Variants in SRPRA observed in about 807,000 individuals in gnomAD.
The protein encoded by SRPRA is signal recognition particle receptor subunit alpha.
A neutral mutation model predicts 61.1 loss-of-function variants in SRPRA; 30 were observed. That is an observed-to-expected ratio of 0.49 (90% confidence interval 0.37 to 0.67). The LOEUF (loss-of-function observed/expected upper bound fraction) is 0.67, where lower values mean the gene tolerates loss of function less well. SRPRA is among the 30% of genes least tolerant of loss of function. SRPRA has a pLI of 0.00. For missense variants in SRPRA, 759 were observed against 828.4 expected (o/e 0.92, Z 1.03); for synonymous variants, 324 against 299.7 (o/e 1.08, Z -0.84).
downstream of SRPRA, chr11:126,261,985 A>T (rs1467708823): frequency 1.2e-6 from 1 of 839,500 alleles, no homozygotes; most frequent in Non-Finnish European, 1.9e-6. Context: ...ATAAAATTTT[A>T]AATAAATTAC....
chr11:126,259,095 A>C (rs950619616), downstream of SRPRA, among the ~76,000 whole-genome samples: 8 of 152,228 alleles, frequency 5.3e-5, no homozygotes, highest in African/African-American at 1.9e-4. Flanking sequence ...TGAGTTTGTC[A>C]TGTGAAATGT....
At position 126,265,985 on chromosome 11, in the gene SRPRA, G is replaced by T; in HGVS notation, c.1029C>A (p.Asp343Glu). ...LSREDMESVL[D>E]KMRDHLIAKN... Reference sequence around the variant, plus strand: ...TACCAATGAGATGATCACGCATCTTGTCCAGCACAGATTCCATGTCTTCAC... The same window carrying T: ...TACCAATGAGATGATCACGCATCTTTTCCAGCACAGATTCCATGTCTTCAC... Residue 343 changes from aspartate to glutamate, a missense_variant, in exon 8 of 14, where the codon GAC becomes GAA. Asp to Glu is a conservative substitution (Grantham distance 45). Coordinates refer to ENST00000332118, the MANE Select transcript of SRPRA (RefSeq NM_003139.4). This position sits in a 1 kb window ranked among gnomAD's most constrained non-coding sequence, Gnocchi z 6.3. The T allele has an allele frequency of 6.2e-7, 1 of 1,614,162 alleles. No homozygotes were observed. Among genetic ancestry groups the T allele is most frequent in the South Asian group, 1.1e-5 (1 of 91,086 alleles).
chr11:126,240,983 G>A, the SRPRA span: 1 of 1,613,988 alleles, frequency 6.2e-7, no homozygotes, highest in Middle Eastern at 1.6e-4. Flanking sequence ...TTTCAGAAAT[G>A]TCTCCATGAA....
chr11:126,264,590 C>A lies in SRPRA; in HGVS notation c.1526-51G>T. ...GAACACCTGGACTACCACTCATGCT[C>A]GTTCCCAGCTTCCTCTCAAAAAGTC... On this transcript the variant is annotated intron_variant, in intron 11 of 13. Transcript: ENST00000332118. This position sits in a 1 kb window ranked among gnomAD's most constrained non-coding sequence, Gnocchi z 5.0. 1 of 1,592,494 alleles carries A rather than the reference C, an allele frequency of 6.3e-7. No homozygotes were observed. The highest frequency in any genetic ancestry group is 1.1e-5 in the South Asian group (1 of 89,296).
rs1461999418 is a variant in SRPRA, at chr11:126,266,025, G to A, written c.989C>T (p.Ser330Leu). The change falls in exon 8 of 14, where the codon TCA becomes TTA. Residue 330 changes from serine (S) to leucine (L), a missense_variant. Ser to Leu is a moderately radical substitution (Grantham distance 145). Coordinates refer to ENST00000332118, the MANE Select transcript of SRPRA (RefSeq NM_003139.4). ...CATGTCTTCACGACTCAAGCTCTTT[G>A]AACCCACAAGGCCCTTCAGCATACC... Reference protein sequence around the residue: ...MFGMLKGLVGSKSLSREDMES... With the variant: ...MFGMLKGLVGLKSLSREDMES... The A allele has an allele frequency of 6.2e-7, 1 of 1,614,022 alleles. No homozygotes were observed. Among genetic ancestry groups the A allele is most frequent in the Non-Finnish European group, 8.5e-7 (1 of 1,180,038 alleles).
rs2962118 is a variant in SRPRA, at chr11:126,266,078, C to T, written c.936G>A (p.Ala312=). 19,782 of 1,613,972 alleles carry T rather than the reference C, an allele frequency of 0.012. 2,754 individuals are homozygous for T. In the East Asian group the frequency reaches 0.33, roughly 27 times the overall value. Residue 312 remains alanine (A), a synonymous_variant, in exon 8 of 14, where the codon GCG becomes GCA. Transcript: ENST00000332118. ...ACATGCCACCCAGTGTTCCCTTGGT[C>T]GCACTGCAGGGACAGGAGATTACAC... ...GAAQNSTKPS[A]TKGTLGGMFG...
At chr11:126,250,964 C>T in the SRPRA span, among the ~76,000 whole-genome samples, 1 of 152,122 alleles carries the variant, frequency 6.6e-6, no homozygotes, top group Non-Finnish European at 1.5e-5. This position sits in a 1 kb window ranked among gnomAD's most constrained non-coding sequence, Gnocchi z 5.1. Flanking sequence ...ACAATTTCAT[C>T]CAGTTTTAAA....
In SRPRA at chr11:126,263,902, GGGCAAGA is replaced by G. The variant is rs753575952; in HGVS notation, c.*7_*13del. On this transcript the variant is annotated 3_prime_UTR_variant, in exon 14 of 14. Transcript: ENST00000332118. ...GTGGGGAAAGCGGCGATTTGGTATT[GGGCAAGA>G]GCCACGTTAAGCCTTCATGAGGGCA... 3.1e-6 allele frequency: 5 copies of G among 1,613,308 alleles called. No individual in the cohort carries two copies. In the East Asian group the frequency reaches 1.1e-4, roughly 36 times the overall value.
chr11:126,256,697 T>C, the SRPRA span: 5 of 1,614,090 alleles, frequency 3.1e-6, no homozygotes, highest in African/African-American at 5.3e-5. This position sits in a 1 kb window ranked among gnomAD's most constrained non-coding sequence, Gnocchi z 6.6. Context: ...GAACATTTCA[T>C]GCTGGTTCGG....
chr11:126,266,338 C>G, intron 6 of SRPRA, 60 bp from the exon 7 acceptor site: 1 of 1,597,838 alleles, frequency 6.3e-7, no homozygotes, highest in Non-Finnish European at 8.6e-7. Flanking sequence ...AGGAAAACGT[C>G]CACATTGCTC....
At chr11:126,268,439 G>A (rs1366728255) in intron 1 of SRPRA, among the ~76,000 whole-genome samples, 1 of 152,226 alleles carries the variant, frequency 6.6e-6, no homozygotes, top group Non-Finnish European at 1.5e-5. Context: ...GGGATAAATA[G>A]AGGGAGCGGA....
downstream of SRPRA, among the ~76,000 whole-genome samples, chr11:126,258,389 A>C (rs1160245636): frequency 1.3e-5 from 2 of 152,186 alleles, no homozygotes; most frequent in Non-Finnish European, 2.9e-5. Context: ...GCTGTTTCTA[A>C]AATAAATAAC....
the SRPRA span, among the ~76,000 whole-genome samples, chr11:126,255,036 G>A: frequency 6.6e-6 from 1 of 152,042 alleles, no homozygotes; most frequent in Non-Finnish European, 1.5e-5. This position sits in a 1 kb window ranked among gnomAD's most constrained non-coding sequence, Gnocchi z 4.6. Flanking sequence ...ATCATCATTT[G>A]GTTTATTAAT....
Position 126,267,044 on chromosome 11 carries a change from C to G in SRPRA, c.527-122G>C. 6.5e-7 allele frequency: 1 copy of G among 1,527,066 alleles called. No individual in the cohort carries two copies. Among genetic ancestry groups the G allele is most frequent in the South Asian group, 1.3e-5 (1 of 79,120 alleles). 94.6% of individuals were successfully genotyped at this position (1,527,066 alleles called of 1,614,324 possible). On this transcript the variant is annotated intron_variant, in intron 4 of 13. Coordinates refer to ENST00000332118, the MANE Select transcript of SRPRA (RefSeq NM_003139.4). This position sits in a 1 kb window ranked among gnomAD's most constrained non-coding sequence, Gnocchi z 4.2. ...CCAAACATCTTGGAGTTCATAAGGCCTGGGGATTATAGGATGGTGACCATT... is the reference window on the plus strand; with the variant it reads ...CCAAACATCTTGGAGTTCATAAGGCGTGGGGATTATAGGATGGTGACCATT...
the SRPRA span, among the ~76,000 whole-genome samples, chr11:126,251,217 A>G: frequency 6.6e-6 from 1 of 152,194 alleles, no homozygotes; most frequent in African/African-American, 2.4e-5. Flanking sequence ...TCTATACTGT[A>G]CCTACCATAA....
chr11:126,267,812 C>G lies in SRPRA; in HGVS notation c.202-100G>C. 6.5e-7 allele frequency: 1 copy of G among 1,535,488 alleles called. No homozygotes were observed. ...GGCTTTCAGAGATAGGTTCAGCTAC[C>G]TGGCCGGTTTCCCTGTCCTGAGAGG... On this transcript the variant is annotated intron_variant, in intron 2 of 13. Coordinates refer to ENST00000332118, the MANE Select transcript of SRPRA (RefSeq NM_003139.4). This position sits in a 1 kb window ranked among gnomAD's most constrained non-coding sequence, Gnocchi z 4.2.
rs779270022 is a variant in SRPRA at position 126,266,543 on chromosome 11, ACTT to A, written c.770_772del (p.Glu257del). 6.2e-7 allele frequency: 1 copy of A among 1,613,904 alleles called. No individual in the cohort carries two copies. Among genetic ancestry groups the A allele is most frequent in the African/African-American group, 1.3e-5 (1 of 74,870 alleles). On this transcript the variant is annotated inframe_deletion, in exon 6 of 14. Coordinates refer to ENST00000332118, the MANE Select transcript of SRPRA (RefSeq NM_003139.4). ...GGTGGTGGGAGTACTGTAATCCAAC[ACTT>A]CTTTGTTAGCACAGCCACCCAGTTC...
the SRPRA span, among the ~76,000 whole-genome samples, chr11:126,238,423 C>T: frequency 6.6e-6 from 1 of 152,156 alleles, no homozygotes; most frequent in South Asian, 2.1e-4. Flanking sequence ...CTGTCAGAAT[C>T]TGCAGGTTTT....
the SRPRA span, among the ~76,000 whole-genome samples, chr11:126,249,969 A>T: frequency 6.6e-6 from 1 of 151,956 alleles, no homozygotes; most frequent in East Asian, 1.9e-4. Context: ...AAAAATGCCT[A>T]TTTTAGGAAG....
Sources: gnomAD v4.1 joint callset for allele counts (sites outside exome capture counted in the v4.1 genomes callset) on GRCh38, gnomAD v4.1.1 for gene constraint, Gnocchi (gnomAD v3.1) non-coding constraint, MANE v1.5 for transcripts, NCBI Gene and HGNC (gene_info 2026-07-23, HGNC 2026-07-21) for gene names.